ASTN1: variants seen among roughly 807,000 people sequenced by gnomAD.
ASTN1 encodes the protein astrotactin-1.
Under a neutral mutation model 140.7 loss-of-function variants are expected in ASTN1, and 41 were observed. The ratio of observed to expected loss-of-function variants is 0.29; its 90% CI spans 0.23 to 0.38. The LOEUF (loss-of-function observed/expected upper bound fraction) is 0.38, where lower values mean the gene tolerates loss of function less well. Ranked by LOEUF, ASTN1 falls within the 10% of genes least tolerant of loss-of-function variation. The pLI is 1.00. For synonymous variants in ASTN1, 640 were observed against 652.2 expected (o/e 0.98, Z 0.29); for missense variants, 1,479 against 1,678.8 (o/e 0.88, Z 2.08).
At chr1:177,003,704 C>T (rs748222075) in intron 8 of ASTN1, among the ~76,000 whole-genome samples, 32 of 151,698 alleles carry the variant, frequency 2.1e-4, no homozygotes, top group South Asian at 2.1e-4. Context: ...CCCAGCTACT[C>T]GGGAGGCTGA....
chr1:176,900,836 C>A (rs970971184), intron 16 of ASTN1, among the ~76,000 whole-genome samples: 1 of 152,180 alleles, frequency 6.6e-6, no homozygotes, highest in Non-Finnish European at 1.5e-5. Flanking sequence ...CTTACCTGCC[C>A]TGCTCACCAC....
intron 8 of ASTN1, among the ~76,000 whole-genome samples, chr1:177,001,641 C>T (rs1674732070): frequency 6.6e-6 from 1 of 152,176 alleles, no homozygotes. Flanking sequence ...CGTTCTGCTG[C>T]CTCTCTTAAA....
chr1:177,014,619 C>T (rs770779941), intron 8 of ASTN1, among the ~76,000 whole-genome samples, 172 bp downstream of exon 8: 3 of 152,146 alleles, frequency 2.0e-5, no homozygotes, highest in Admixed American at 6.5e-5. Flanking sequence ...ATGATATAGA[C>T]GTCACTGGAA....
At chr1:177,086,174 C>T (rs1232489214) in intron 1 of ASTN1, among the ~76,000 whole-genome samples, 1 of 151,848 alleles carries the variant, frequency 6.6e-6, no homozygotes, top group Non-Finnish European at 1.5e-5. Flanking sequence ...GAGAAGCCCT[C>T]TCTCTCCCCA....
chr1:176,870,207 T>A (rs1033194776), intron 21 of ASTN1, among the ~76,000 whole-genome samples: 6 of 152,202 alleles, frequency 3.9e-5, no homozygotes, highest in African/African-American at 1.4e-4. Context: ...GAAACTAAGA[T>A]CTGGAGAGCA....
At chr1:177,091,342 T>C (rs1303860894) in intron 1 of ASTN1, among the ~76,000 whole-genome samples, 1 of 152,206 alleles carries the variant, frequency 6.6e-6, no homozygotes, top group African/African-American at 2.4e-5. Context: ...ATTATTTTTA[T>C]AGGGCTGTTA....
At chr1:177,063,437 G>T (rs1025206471) in intron 1 of ASTN1, among the ~76,000 whole-genome samples, 4 of 152,072 alleles carry the variant, frequency 2.6e-5, no homozygotes, top group African/African-American at 7.2e-5. Context: ...ACAATCCCCT[G>T]AACCCCAGTC....
intron 8 of ASTN1, chr1:176,976,196 T>C (rs1407111822): frequency 6.6e-6 from 1 of 152,200 alleles, no homozygotes; most frequent in Non-Finnish European, 1.5e-5. Flanking sequence ...CTATGCAGCA[T>C]TGAGATTTTC....
At chr1:177,063,414 G>A (rs768663920) in intron 1 of ASTN1, among the ~76,000 whole-genome samples, 2 of 152,064 alleles carry the variant, frequency 1.3e-5, no homozygotes, top group African/African-American at 2.4e-5. Context: ...GTGGGCAGAG[G>A]GTGTGAGGAC....
At position 176,882,989 on chromosome 1, in the gene ASTN1, C is replaced by T; in HGVS notation, c.3232G>A (p.Val1078Met). The change falls in exon 20 of 23, where the codon GTG (valine) becomes ATG (methionine). Residue 1078 changes from valine (V) to methionine (M), a missense_variant. This residue lies in a region of ASTN1 where 746 missense variants were observed against 800.9 expected (regional missense o/e 0.93). Transcript: ENST00000361833. ...MDHSKVETET[V>M]LSFVDDIISG... ...ATGATGTCGTCCACAAAGCTCAGCACTGTTTCTGCCCAGAGGAGAAGGAAT... is the reference window on the plus strand; with the variant it reads ...ATGATGTCGTCCACAAAGCTCAGCATTGTTTCTGCCCAGAGGAGAAGGAAT... 2 of 1,614,142 alleles carry T rather than the reference C, an allele frequency of 1.2e-6. No individual in the cohort carries two copies. The highest frequency in any genetic ancestry group is 1.1e-5 in the South Asian group (1 of 91,080).
intron 1 of ASTN1, among the ~76,000 whole-genome samples, chr1:177,069,635 T>C (rs181016190): frequency 6.6e-6 from 1 of 152,276 alleles, no homozygotes; most frequent in African/African-American, 2.4e-5. Flanking sequence ...AGCAACTACA[T>C]GAACATTCTA....
intron 21 of ASTN1, among the ~76,000 whole-genome samples, chr1:176,874,976 A>G (rs1471209516): frequency 6.6e-6 from 1 of 152,168 alleles, no homozygotes; most frequent in Non-Finnish European, 1.5e-5. Context: ...GTGGACAAAA[A>G]CAGACTGGGA....
intron 8 of ASTN1, among the ~76,000 whole-genome samples, chr1:176,980,253 G>A (rs148738007): frequency 5.9e-5 from 9 of 152,236 alleles, no homozygotes; most frequent in African/African-American, 2.2e-4. Flanking sequence ...GAGGTGACAG[G>A]GAGTAAGATG....
chr1:177,101,289 A>T (rs1680289407), intron 1 of ASTN1, among the ~76,000 whole-genome samples: 1 of 152,138 alleles, frequency 6.6e-6, no homozygotes, highest in Non-Finnish European at 1.5e-5. Flanking sequence ...AATAGACCCA[A>T]ACTGGAAACT....
At chr1:176,884,867 T>A (rs912196485) in intron 18 of ASTN1, among the ~76,000 whole-genome samples, 2 of 151,760 alleles carry the variant, frequency 1.3e-5, no homozygotes, top group Non-Finnish European at 2.9e-5. Flanking sequence ...ATCAAGAGAG[T>A]GTGTGTATAC....
chr1:176,901,956 T>C (rs1317454125), intron 16 of ASTN1, among the ~76,000 whole-genome samples: 3 of 152,186 alleles, frequency 2.0e-5, no homozygotes, highest in African/African-American at 4.8e-5. Flanking sequence ...TACTATATGC[T>C]TCAGACCCTG....
At chr1:177,104,289 C>G (rs1040573362) in intron 1 of ASTN1, among the ~76,000 whole-genome samples, 1 of 152,132 alleles carries the variant, frequency 6.6e-6, no homozygotes, top group Non-Finnish European at 1.5e-5. Flanking sequence ...TGCATTTTGA[C>G]AATTCTTTAT....
intron 1 of ASTN1, among the ~76,000 whole-genome samples, chr1:177,091,984 G>A (rs549179374): frequency 6.6e-6 from 1 of 151,948 alleles, no homozygotes; most frequent in African/African-American, 2.4e-5. Flanking sequence ...TTTTTTGTGT[G>A]AACAGATATT....
chr1:176,987,369 G>A (rs1457319260), intron 8 of ASTN1, among the ~76,000 whole-genome samples: 1 of 152,152 alleles, frequency 6.6e-6, no homozygotes, highest in Non-Finnish European at 1.5e-5. Flanking sequence ...ACAGGTGACA[G>A]GTCATATTTG....
Sources: allele counts gnomAD v4.1 joint callset (sites outside exome capture counted in the v4.1 genomes callset), GRCh38; gene constraint gnomAD v4.1.1; regional missense constraint gnomAD v4.1.1; transcripts MANE v1.5; gene names NCBI Gene and HGNC (gene_info 2026-07-23, HGNC 2026-07-21).